The following SCFD2 variants were observed in gnomAD, a reference collection of about 807,000 sequenced individuals.
SCFD2 encodes sec1 family domain-containing protein 2.
A neutral mutation model predicts 58.9 loss-of-function variants in SCFD2; 54 were observed. The ratio of observed to expected loss-of-function variants is 0.92; its 90% CI spans 0.74 to 1.15. The LOEUF (loss-of-function observed/expected upper bound fraction) is 1.15. SCFD2 is among the 50% of genes most tolerant of loss of function. The probability of loss-of-function intolerance (pLI) is 0.00; values close to 1 mark genes in which losing one functional copy is unlikely to be tolerated. For synonymous variants in SCFD2, 321 were observed against 335.9 expected (o/e 0.96, Z 0.49); for missense variants, 805 against 836.6 (o/e 0.96, Z 0.47).
chr4:53,184,779 C>T (rs1727691285), intron 4 of SCFD2, among the ~76,000 whole-genome samples: 1 of 152,004 alleles, frequency 6.6e-6, no homozygotes, highest in Non-Finnish European at 1.5e-5. Flanking sequence ...AAAAGAACTA[C>T]TCTTGTTTGT....
At chr4:53,184,576 A>G (rs1390134099) in intron 4 of SCFD2, among the ~76,000 whole-genome samples, 2 of 152,072 alleles carry the variant, frequency 1.3e-5, no homozygotes, top group Non-Finnish European at 2.9e-5. Flanking sequence ...TATCTACTGT[A>G]TTTTAGGGTC....
intron 4 of SCFD2, among the ~76,000 whole-genome samples, chr4:53,232,925 G>C (rs1729483936): frequency 6.6e-6 from 1 of 152,132 alleles, no homozygotes; most frequent in Admixed American, 6.5e-5. Flanking sequence ...AGACTTTCCA[G>C]AGATCATGGA....
intron 5 of SCFD2, among the ~76,000 whole-genome samples, chr4:52,975,110 G>A (rs1315167607): frequency 6.6e-6 from 1 of 152,094 alleles, no homozygotes; most frequent in Non-Finnish European, 1.5e-5. Flanking sequence ...ATAGGCATGG[G>A]CAAGGACTTC....
chr4:53,129,250 A>G (rs971321019), intron 5 of SCFD2, among the ~76,000 whole-genome samples: 5 of 152,070 alleles, frequency 3.3e-5, no homozygotes, highest in Non-Finnish European at 5.9e-5. Context: ...AAACAAAACA[A>G]AACAAAACGA....
intron 3 of SCFD2, among the ~76,000 whole-genome samples, chr4:53,309,620 A>C (rs1188984456): frequency 6.6e-6 from 1 of 152,194 alleles, no homozygotes; most frequent in Non-Finnish European, 1.5e-5. Flanking sequence ...AAAACTATTT[A>C]GAATTCTGCT....
In SCFD2 at chr4:53,045,356, C is replaced by T. The variant is rs184984767; in HGVS notation, c.1561+99977G>A. Among the ~76,000 whole-genome samples, 1,242 of 152,190 alleles carry T rather than the reference C, an allele frequency of 8.2e-3. 7 individuals carry two copies. Among genetic ancestry groups the T allele is most frequent in the Middle Eastern group, 0.041 (12 of 294 alleles). On this transcript the variant is annotated intron_variant, in intron 5 of 8. Transcript: ENST00000401642. ...TAACCCCATAAGTATGGTATGGGCA[C>T]TTAATTTGTAAATGCAATTTGTGTT...
intron 3 of SCFD2, among the ~76,000 whole-genome samples, chr4:53,293,047 AAT>A (rs1489388660): frequency 2.6e-5 from 4 of 151,986 alleles, no homozygotes; most frequent in East Asian, 1.9e-4. Context: ...AAAAAATAAG[AAT>A]ATATATATGT....
At chr4:53,296,288 G>A (rs1276715830) in intron 3 of SCFD2, among the ~76,000 whole-genome samples, 1 of 152,088 alleles carries the variant, frequency 6.6e-6, no homozygotes, top group Non-Finnish European at 1.5e-5. Context: ...TAGTTGGTAG[G>A]CTATTAATTG....
chr4:53,338,414 C>G (rs549927757), intron 2 of SCFD2, among the ~76,000 whole-genome samples: 1 of 151,924 alleles, frequency 6.6e-6, no homozygotes, highest in South Asian at 2.1e-4. Context: ...GAAATATACA[C>G]CAACACACAT....
intron 5 of SCFD2, among the ~76,000 whole-genome samples, chr4:53,097,458 T>C (rs1263168392): frequency 2.0e-5 from 3 of 152,206 alleles, no homozygotes; most frequent in Non-Finnish European, 4.4e-5. Context: ...TTCCTAGGTA[T>C]TTTATTCTCT....
intron 5 of SCFD2, chr4:52,949,527 T>C (rs1396970198): frequency 6.6e-6 from 1 of 152,206 alleles, no homozygotes; most frequent in Non-Finnish European, 1.5e-5. Flanking sequence ...AGGTGTTCTC[T>C]CTTGAACTCT....
At chr4:52,934,547 G>A (rs1448188484) in intron 5 of SCFD2, among the ~76,000 whole-genome samples, 2 of 152,122 alleles carry the variant, frequency 1.3e-5, no homozygotes, top group African/African-American at 2.4e-5. Context: ...AAAGCCTTGG[G>A]GCCCAATTTA....
intron 3 of SCFD2, among the ~76,000 whole-genome samples, chr4:53,298,461 GT>G (rs1209246345): frequency 6.6e-6 from 1 of 152,232 alleles, no homozygotes; most frequent in African/African-American, 2.4e-5. Context: ...CTCGAACTGG[GT>G]GGAGCCCAAC....
intron 2 of SCFD2, among the ~76,000 whole-genome samples, chr4:53,343,521 G>A (rs1201119439): frequency 2.0e-5 from 3 of 152,114 alleles, no homozygotes; most frequent in Non-Finnish European, 2.9e-5. Flanking sequence ...GTCCACCAGA[G>A]GTACAAGGAG....
chr4:52,969,831 C>A (rs910032625), intron 5 of SCFD2, among the ~76,000 whole-genome samples: 4 of 152,182 alleles, frequency 2.6e-5, no homozygotes, highest in Non-Finnish European at 5.9e-5. Context: ...AACCTAGCCT[C>A]TACTGCCTAA....
intron 4 of SCFD2, among the ~76,000 whole-genome samples, chr4:53,255,080 C>T (rs1730556585): frequency 6.6e-6 from 1 of 150,942 alleles, no homozygotes; most frequent in Non-Finnish European, 1.5e-5. Flanking sequence ...ACTGTGTTAT[C>T]CAGGTTGGTC....
chr4:53,297,629 T>A lies in SCFD2; in HGVS notation c.1135+16007A>T, dbSNP rs1432728643. 1.1e-3 allele frequency among the ~76,000 whole-genome samples: 169 copies of A among 152,362 alleles called. 4 individuals are homozygous for A. The highest frequency in any genetic ancestry group is 2.2e-4 in the Non-Finnish European group (15 of 68,034). On this transcript the variant is annotated intron_variant, in intron 3 of 8. Coordinates refer to ENST00000401642, the MANE Select transcript of SCFD2 (RefSeq NM_152540.4). Reference sequence around the variant, plus strand: ...ATCCAATTTGCCAGTCTGTGTCTTTTAATTGGGGCATTTAGCCCATTTACA... The same window carrying A: ...ATCCAATTTGCCAGTCTGTGTCTTTAAATTGGGGCATTTAGCCCATTTACA...
At position 53,347,523 on chromosome 4, in the gene SCFD2, G is replaced by GA. The variant is rs34370619; in HGVS notation, c.1007+5074dup. On this transcript the variant is annotated intron_variant, in intron 2 of 8. Coordinates refer to ENST00000401642, the MANE Select transcript of SCFD2 (RefSeq NM_152540.4). ...TTAGAAAGTGGTAAGTGCTATGGAG[G>GA]AAAAAAAAATGAAATAGGGAAGGGG... Among the ~76,000 whole-genome samples the GA allele has an allele frequency of 1.0e-3, 157 of 150,254 alleles. 1 individual carries two copies. The highest frequency in any genetic ancestry group is 2.3e-3 in the Admixed American group (34 of 15,064).
At chr4:53,321,648 C>T (rs1203563088) in intron 2 of SCFD2, among the ~76,000 whole-genome samples, 1 of 152,114 alleles carries the variant, frequency 6.6e-6, no homozygotes, top group Non-Finnish European at 1.5e-5. Flanking sequence ...ATAATGGCTT[C>T]CATGAGGGGT....
Sources: allele counts gnomAD v4.1 joint callset (sites outside exome capture counted in the v4.1 genomes callset), GRCh38; gene constraint gnomAD v4.1.1; transcripts MANE v1.5; gene names NCBI Gene and HGNC (gene_info 2026-07-23, HGNC 2026-07-21).